Variants in NOL4 observed in about 807,000 individuals in gnomAD.
NOL4 encodes the protein cancer/testis antigen 125.
Under a neutral mutation model 75.9 loss-of-function variants are expected in NOL4, and 17 were observed. The observed-to-expected ratio is 0.22, with a 90% CI of 0.15 to 0.34. The LOEUF is 0.34. Among genes scored for constraint, NOL4 ranks in the 10% least tolerant of loss-of-function variants. The pLI is 1.00. For synonymous variants in NOL4, 292 were observed against 289.9 expected (o/e 1.01, Z -0.07); for missense variants, 614 against 793.5 (o/e 0.77, Z 2.72).
At chr18:33,870,144 G>A (rs185868718) in intron 10 of NOL4, among the ~76,000 whole-genome samples, 15 of 152,192 alleles carry the variant, frequency 9.9e-5, no homozygotes, top group Non-Finnish European at 1.9e-4. Flanking sequence ...ATTAACAAAA[G>A]CATTACCTCA....
At chr18:34,160,624 C>G (rs1364533956) in intron 1 of NOL4, among the ~76,000 whole-genome samples, 1 of 152,020 alleles carries the variant, frequency 6.6e-6, no homozygotes, top group African/African-American at 2.4e-5. Context: ...TAAATGAATT[C>G]TTATATATGT....
At chr18:33,920,429 G>A (rs1315130536) in intron 9 of NOL4, among the ~76,000 whole-genome samples, 1 of 152,114 alleles carries the variant, frequency 6.6e-6, no homozygotes, top group Non-Finnish European at 1.5e-5. Context: ...TATTTCTGCT[G>A]GTAAATTCTT....
intron 5 of NOL4, among the ~76,000 whole-genome samples, chr18:34,070,322 C>T (rs1174401655): frequency 6.6e-6 from 1 of 152,142 alleles, no homozygotes; most frequent in Non-Finnish European, 1.5e-5. Context: ...CCCGGCCCGC[C>T]TTGCCTTTTT....
intron 8 of NOL4, among the ~76,000 whole-genome samples, chr18:33,949,619 G>A (rs1480541339): frequency 6.6e-6 from 1 of 152,100 alleles, no homozygotes; most frequent in East Asian, 1.9e-4. Flanking sequence ...GATCTACTAT[G>A]TGTGAATTCT....
At chr18:34,076,160 C>A (rs1489001543) in intron 5 of NOL4, among the ~76,000 whole-genome samples, 1 of 152,114 alleles carries the variant, frequency 6.6e-6, no homozygotes, top group African/African-American at 2.4e-5. Flanking sequence ...AAGGTGCTTC[C>A]TCTGGTCAGA....
chr18:34,222,659 T>C (rs1178727056), intron 1 of NOL4, among the ~76,000 whole-genome samples: 2 of 152,074 alleles, frequency 1.3e-5, no homozygotes, highest in East Asian at 1.9e-4. Context: ...GAGAAGGACA[T>C]GGGACAATGG....
intron 10 of NOL4, among the ~76,000 whole-genome samples, chr18:33,858,583 C>T (rs2062940635): frequency 6.6e-6 from 1 of 151,978 alleles, no homozygotes; most frequent in South Asian, 2.1e-4. Flanking sequence ...CTAGATTCAA[C>T]ATGCTAATGA....
At chr18:34,090,665 G>A (rs1279307882) in intron 5 of NOL4, among the ~76,000 whole-genome samples, 1 of 152,034 alleles carries the variant, frequency 6.6e-6, no homozygotes, top group Non-Finnish European at 1.5e-5. Flanking sequence ...AAAAAAAAGG[G>A]GGGGAGGCAT....
chr18:34,065,063 A>G lies in NOL4; in HGVS notation c.772+28402T>C, dbSNP rs1284820364. On this transcript the variant is annotated intron_variant, in intron 5 of 10. Transcript: ENST00000261592. The stretch of plus-strand genomic sequence containing the variant: ...TTTGGATTTATTAAAGCAATTCAAT[A>G]AAAACAGGCAGTCAACTTGAATAAA... Among the ~76,000 whole-genome samples the G allele has an allele frequency of 2.6e-5, 4 of 151,986 alleles. No homozygotes were observed. The East Asian group carries it at 7.7e-4, about 29-fold the overall frequency.
At chr18:34,017,368 A>C (rs11081834) in intron 6 of NOL4, among the ~76,000 whole-genome samples, 15,465 of 152,146 alleles carry the variant, frequency 0.1, 960 homozygotes, top group Non-Finnish European at 0.14. Context: ...TAATTGCATA[A>C]ATTTAAGATG....
intron 8 of NOL4, among the ~76,000 whole-genome samples, chr18:33,947,230 G>T (rs1443848497): frequency 1.3e-5 from 2 of 151,666 alleles, no homozygotes; most frequent in South Asian, 2.1e-4. Context: ...TGTTTAGTAC[G>T]TGCTCTGAGA....
intron 6 of NOL4, among the ~76,000 whole-genome samples, chr18:33,960,323 A>G (rs144715315): frequency 2.3e-3 from 345 of 152,252 alleles, no homozygotes; most frequent in African/African-American, 7.6e-3. Context: ...CTATAGAAGG[A>G]AATAGTGACA....
chr18:34,031,922 G>A (rs1432694154), intron 5 of NOL4, among the ~76,000 whole-genome samples: 1 of 152,154 alleles, frequency 6.6e-6, no homozygotes, highest in Non-Finnish European at 1.5e-5. Flanking sequence ...CAGAGAGAGG[G>A]CTCACAGTGG....
chr18:33,961,957 C>T (rs549249000), intron 6 of NOL4, among the ~76,000 whole-genome samples: 1 of 152,172 alleles, frequency 6.6e-6, no homozygotes, highest in African/African-American at 2.4e-5. Flanking sequence ...TATGGTATCT[C>T]CTACTTGTTT....
At chr18:33,968,900 T>C (rs1265255357) in intron 6 of NOL4, among the ~76,000 whole-genome samples, 10 of 152,242 alleles carry the variant, frequency 6.6e-5, no homozygotes, top group Admixed American at 6.5e-4. Context: ...TATGTAGTAA[T>C]ATATTCTATT....
intron 4 of NOL4, among the ~76,000 whole-genome samples, chr18:34,096,633 G>C (rs530781099): frequency 6.6e-6 from 1 of 151,900 alleles, no homozygotes; most frequent in African/African-American, 2.4e-5. Context: ...AATCTATTTT[G>C]TTTGACAACC....
intron 6 of NOL4, among the ~76,000 whole-genome samples, chr18:33,974,100 A>G (rs1295131909): frequency 6.6e-6 from 1 of 152,180 alleles, no homozygotes; most frequent in Non-Finnish European, 1.5e-5. Flanking sequence ...ACCATCATCA[A>G]TAATACTAAC....
At chr18:33,872,764 T>C (rs2063759290) in intron 10 of NOL4, among the ~76,000 whole-genome samples, 1 of 152,074 alleles carries the variant, frequency 6.6e-6, no homozygotes, top group Non-Finnish European at 1.5e-5. Flanking sequence ...TAGCCACATA[T>C]GGATAGTGGC....
intron 9 of NOL4, among the ~76,000 whole-genome samples, chr18:33,925,246 C>T (rs558270693): frequency 6.6e-6 from 1 of 152,154 alleles, no homozygotes; most frequent in East Asian, 1.9e-4. Context: ...TAGTGAAGAA[C>T]TTGGAATTGA....
Sources: allele counts gnomAD v4.1 joint callset (sites outside exome capture counted in the v4.1 genomes callset), GRCh38; gene constraint gnomAD v4.1.1; transcripts MANE v1.5; gene names NCBI Gene and HGNC (gene_info 2026-07-23, HGNC 2026-07-21).